Variants in FCHSD2 observed in about 807,000 individuals in gnomAD.
FCHSD2 encodes F-BAR and double SH3 domains protein 2.
In FCHSD2, 38 loss-of-function variants were observed where a neutral mutation model predicts 108.1. The ratio of observed to expected loss-of-function variants is 0.35; its 90% CI spans 0.27 to 0.46. FCHSD2 has a LOEUF of 0.46. Among genes scored for constraint, FCHSD2 ranks in the 20% least tolerant of loss-of-function variants. FCHSD2 has a pLI of 1.00. For synonymous variants in FCHSD2, 279 were observed against 314.7 expected (o/e 0.89, Z 1.20); for missense variants, 751 against 897.8 (o/e 0.84, Z 2.09).
At chr11:73,116,551 T>C (rs768842128) in intron 2 of FCHSD2, among the ~76,000 whole-genome samples, 6 of 152,334 alleles carry the variant, frequency 3.9e-5, no homozygotes, top group Non-Finnish European at 7.4e-5. Flanking sequence ...TGTTTTTTTT[T>C]CTTTGAGATG....
intron 12 of FCHSD2, among the ~76,000 whole-genome samples, 187 bp from the exon 13 acceptor site, chr11:72,868,213 C>T (rs971023793): frequency 5.3e-5 from 8 of 152,120 alleles, no homozygotes; most frequent in Admixed American, 1.3e-4. Context: ...ATGAATGCAG[C>T]TGCAAGCCAT....
chr11:73,058,070 A>T (rs949557120), intron 3 of FCHSD2, among the ~76,000 whole-genome samples: 1 of 152,058 alleles, frequency 6.6e-6, no homozygotes, highest in Non-Finnish European at 1.5e-5. Context: ...TAGTAGAGAC[A>T]GGGTTTCACC....
intron 10 of FCHSD2, among the ~76,000 whole-genome samples, chr11:72,899,285 T>G (rs1565312105): frequency 6.6e-6 from 1 of 152,184 alleles, no homozygotes; most frequent in African/African-American, 2.4e-5. Flanking sequence ...ATCTTCAAGA[T>G]CTAATTCATA....
chr11:73,089,809 A>C (rs1859910739), intron 2 of FCHSD2, among the ~76,000 whole-genome samples: 1 of 152,342 alleles, frequency 6.6e-6, no homozygotes, highest in Non-Finnish European at 1.5e-5. Context: ...CATTAATCCA[A>C]AAGTACAGTA....
At chr11:72,973,284 T>C (rs1857041191) in intron 8 of FCHSD2, among the ~76,000 whole-genome samples, 1 of 151,898 alleles carries the variant, frequency 6.6e-6, no homozygotes, top group African/African-American at 2.4e-5. Context: ...GGAGAATCAC[T>C]TGAACCCAGG....
At chr11:72,980,559 T>C (rs2135394743) in intron 8 of FCHSD2, among the ~76,000 whole-genome samples, 1 of 152,068 alleles carries the variant, frequency 6.6e-6, no homozygotes, top group South Asian at 2.1e-4. Flanking sequence ...GCCAAGGCAA[T>C]ATTAAGCAAT....
At chr11:72,888,531 T>C (rs1167831237) in intron 11 of FCHSD2, among the ~76,000 whole-genome samples, 1 of 152,068 alleles carries the variant, frequency 6.6e-6, no homozygotes, top group South Asian at 2.1e-4. Flanking sequence ...TAGGTATCAA[T>C]AAATGAAACA....
chr11:72,854,767 T>TGG (rs1861378653), intron 13 of FCHSD2, among the ~76,000 whole-genome samples: 1 of 152,190 alleles, frequency 6.6e-6, no homozygotes, highest in Non-Finnish European at 1.5e-5. Context: ...GAAAGCAGAA[T>TGG]GGTGATTGTC....
At chr11:72,983,218 C>T (rs887566513) in intron 8 of FCHSD2, among the ~76,000 whole-genome samples, 13 of 150,742 alleles carry the variant, frequency 8.6e-5, no homozygotes, top group African/African-American at 2.2e-4. Flanking sequence ...GGCGTGAACC[C>T]GGGAGGCGGA....
At chr11:73,001,616 A>G (rs889824091) in intron 4 of FCHSD2, among the ~76,000 whole-genome samples, 5 of 152,228 alleles carry the variant, frequency 3.3e-5, no homozygotes, top group Non-Finnish European at 7.3e-5. Flanking sequence ...CTGTATATAT[A>G]GTACATTGTC....
At chr11:72,976,078 T>C (rs1857098815) in intron 8 of FCHSD2, among the ~76,000 whole-genome samples, 1 of 152,234 alleles carries the variant, frequency 6.6e-6, no homozygotes, top group South Asian at 2.1e-4. Context: ...TCTGTAGATT[T>C]GATGAAATCA....
chr11:72,897,366 C>G (rs1007967495), intron 10 of FCHSD2, among the ~76,000 whole-genome samples: 5 of 144,092 alleles, frequency 3.5e-5, no homozygotes, highest in South Asian at 2.2e-4. Flanking sequence ...TGAACATGTA[C>G]AGACTTTTTT....
chr11:72,841,745 A>G (rs1160228323), intron 17 of FCHSD2, among the ~76,000 whole-genome samples, 162 bp from the exon 18 acceptor site: 2 of 152,152 alleles, frequency 1.3e-5, no homozygotes, highest in African/African-American at 4.8e-5. Context: ...TAACCACCTC[A>G]AGCTCCAATT....
At chr11:72,894,146 A>G (rs2135258899) in intron 10 of FCHSD2, among the ~76,000 whole-genome samples, 1 of 152,338 alleles carries the variant, frequency 6.6e-6, no homozygotes, top group East Asian at 1.9e-4. Flanking sequence ...AAACCATTTC[A>G]AAAAAAGATA....
intron 10 of FCHSD2, among the ~76,000 whole-genome samples, chr11:72,899,073 G>A (rs1249848957): frequency 6.6e-6 from 1 of 152,124 alleles, no homozygotes; most frequent in Non-Finnish European, 1.5e-5. Context: ...TTCCTCAACT[G>A]TAAAAGAAGG....
chr11:72,896,291 G>A lies in FCHSD2; in HGVS notation c.924+6252C>T, dbSNP rs113274192. On this transcript the variant is annotated intron_variant, in intron 10 of 19. Coordinates refer to ENST00000409418, the MANE Select transcript of FCHSD2 (RefSeq NM_014824.3). ...AAAGGGGAAAGTGTATTCTCATTCC[G>A]ACTGGGAAACCTGAGGAAGTTTCCG... 4.0e-3 allele frequency among the ~76,000 whole-genome samples: 611 copies of A among 152,254 alleles called. 1 individual carries two copies. Among genetic ancestry groups the A allele is most frequent in the African/African-American group, 0.014 (565 of 41,544 alleles).
chr11:73,005,298 A>G (rs1377737135), intron 4 of FCHSD2, among the ~76,000 whole-genome samples: 3 of 152,260 alleles, frequency 2.0e-5, no homozygotes, highest in Non-Finnish European at 4.4e-5. Flanking sequence ...TTCTATCCAA[A>G]TCAGACTTTA....
At chr11:73,072,977 C>T (rs761076979) in intron 3 of FCHSD2, among the ~76,000 whole-genome samples, 33 of 152,192 alleles carry the variant, frequency 2.2e-4, no homozygotes, top group Non-Finnish European at 3.8e-4. Flanking sequence ...CTGTGTTTGT[C>T]TTTAAGCAAG....
At chr11:73,020,457 T>G (rs531538936) in intron 3 of FCHSD2, among the ~76,000 whole-genome samples, 1 of 152,236 alleles carries the variant, frequency 6.6e-6, no homozygotes, top group Non-Finnish European at 1.5e-5. Flanking sequence ...TACCATTTTG[T>G]CATGAAATTC....
Sources: gnomAD v4.1 joint callset for allele counts (sites outside exome capture counted in the v4.1 genomes callset) on GRCh38, gnomAD v4.1.1 for gene constraint, MANE v1.5 for transcripts, NCBI Gene and HGNC (gene_info 2026-07-23, HGNC 2026-07-21) for gene names.